NCKAP5: variants seen among roughly 807,000 people sequenced by gnomAD.
NCKAP5 encodes the protein nck-associated protein 5.
Under a neutral mutation model 167.0 loss-of-function variants are expected in NCKAP5, and 92 were observed. That is an observed-to-expected ratio of 0.55 (90% CI 0.47 to 0.66). NCKAP5 has a LOEUF of 0.66. NCKAP5 is among the 30% of genes least tolerant of loss of function. The pLI is 0.00. For missense variants in NCKAP5, 2,378 were observed against 2,315.0 expected (o/e 1.03, Z -0.56); for synonymous variants, 891 against 877.4 (o/e 1.02, Z -0.27).
At chr2:133,190,460 A>T (rs569356040) in intron 5 of NCKAP5, among the ~76,000 whole-genome samples, 1 of 152,178 alleles carries the variant, frequency 6.6e-6, no homozygotes, top group Non-Finnish European at 1.5e-5. Flanking sequence ...CCACATTGCC[A>T]AGACAATCCT....
At chr2:133,449,803 C>T (rs1439814591) in intron 3 of NCKAP5, among the ~76,000 whole-genome samples, 2 of 151,796 alleles carry the variant, frequency 1.3e-5, no homozygotes, top group Non-Finnish European at 2.9e-5. Flanking sequence ...CATTATTATG[C>T]CTCATCCAAA....
At chr2:132,956,010 G>A (rs1041536802) in intron 8 of NCKAP5, among the ~76,000 whole-genome samples, 10 of 152,140 alleles carry the variant, frequency 6.6e-5, no homozygotes, top group African/African-American at 2.2e-4. Context: ...GTGTGAGAAT[G>A]CAGACAGGGT....
intron 4 of NCKAP5, among the ~76,000 whole-genome samples, chr2:133,215,412 T>C (rs1468981031): frequency 2.0e-5 from 3 of 152,162 alleles, no homozygotes; most frequent in African/African-American, 4.8e-5. Flanking sequence ...CAAATACTTA[T>C]AAAGTCAAAG....
At position 132,783,721 on chromosome 2, in the gene NCKAP5, G is replaced by A. The variant is rs550917430; in HGVS notation, c.3090C>T (p.Thr1030=). The A allele has an allele frequency of 3.5e-5, 56 of 1,612,010 alleles. No individual in the cohort carries two copies. Among genetic ancestry groups the A allele is most frequent in the Non-Finnish European group, 4.2e-5 (49 of 1,179,098 alleles). The change falls in exon 14 of 20, where the codon ACC becomes ACT. Residue 1030 remains threonine, a synonymous_variant. Transcript: ENST00000409261. ...CCTTTGGAGGCCCCAGAGCCATTAC[G>A]GTGAAGGAGCTGGAGGGGGCATGAG... ...CPAHAPSSSF[T]VMALGPPKVS...
intron 3 of NCKAP5, among the ~76,000 whole-genome samples, chr2:133,379,793 T>A (rs1686392020): frequency 6.6e-6 from 1 of 152,144 alleles, no homozygotes; most frequent in South Asian, 2.1e-4. Flanking sequence ...TGCAGTAAAA[T>A]GCAGCTGTCA....
intron 12 of NCKAP5, among the ~76,000 whole-genome samples, chr2:132,794,750 T>C (rs546302991): frequency 6.6e-6 from 1 of 152,118 alleles, no homozygotes; most frequent in South Asian, 2.1e-4. Flanking sequence ...GGGACCCTGT[T>C]TTACACTTCC....
chr2:133,031,538 C>G (rs1428541474), intron 6 of NCKAP5, among the ~76,000 whole-genome samples: 1 of 152,232 alleles, frequency 6.6e-6, no homozygotes, highest in East Asian at 1.9e-4. Flanking sequence ...ATAAGGATTG[C>G]AACTTTTAGG....
intron 2 of NCKAP5, among the ~76,000 whole-genome samples, chr2:133,518,017 A>G (rs1434152653): frequency 2.6e-5 from 4 of 152,210 alleles, no homozygotes; most frequent in Non-Finnish European, 5.9e-5. Flanking sequence ...GGCCCAATGA[A>G]GGGAAACTGA....
At chr2:133,629,110 T>C in the NCKAP5 span, among the ~76,000 whole-genome samples, 2 of 152,086 alleles carry the variant, frequency 1.3e-5, no homozygotes, top group African/African-American at 4.8e-5. Context: ...TCAAAAGCAA[T>C]TGCAACAGAA....
Position 132,802,636 on chromosome 2 carries a change from A to G in NCKAP5, c.808-5907T>C, listed in dbSNP as rs576585230. The stretch of plus-strand genomic sequence containing the variant: ...TGCATGTTTAAGAGAAGCATTTTAA[A>G]TATGACCCTGAATAGACATAATCAG... On this transcript the variant is annotated intron_variant, in intron 11 of 19. Transcript: ENST00000409261. Among the ~76,000 whole-genome samples the G allele has an allele frequency of 2.0e-5, 3 of 152,344 alleles. No individual in the cohort carries two copies. In the East Asian group the frequency reaches 5.8e-4, roughly 29 times the overall value.
the NCKAP5 span, among the ~76,000 whole-genome samples, chr2:133,644,538 C>A: frequency 5.9e-5 from 9 of 152,312 alleles, no homozygotes; most frequent in East Asian, 1.7e-3. Flanking sequence ...TCTGTAAATA[C>A]TTCAGAACAT....
At chr2:132,765,339 T>C (rs928494950) in intron 16 of NCKAP5, among the ~76,000 whole-genome samples, 7 of 144,412 alleles carry the variant, frequency 4.8e-5, no homozygotes, top group African/African-American at 7.8e-5. Flanking sequence ...TGAGACGGAG[T>C]TTCGCTCTGT....
At chr2:133,411,005 C>T (rs1208452828) in intron 3 of NCKAP5, among the ~76,000 whole-genome samples, 1 of 152,186 alleles carries the variant, frequency 6.6e-6, no homozygotes, top group Non-Finnish European at 1.5e-5. Flanking sequence ...GCACTGGATG[C>T]TTGAAATCCA....
At chr2:133,588,282 T>TCC in the NCKAP5 span, among the ~76,000 whole-genome samples, 1 of 47,290 alleles carries the variant, frequency 2.1e-5, no homozygotes, top group Non-Finnish European at 5.4e-5. Flanking sequence ...TCCCTCCCTC[T>TCC]CTCCCTACCT....
chr2:133,619,325 A>C, the NCKAP5 span, among the ~76,000 whole-genome samples: 1 of 151,826 alleles, frequency 6.6e-6, no homozygotes, highest in Non-Finnish European at 1.5e-5. Context: ...AAAATAAAAT[A>C]AAAAATCAAA....
At chr2:133,322,884 G>C (rs887865501) in intron 3 of NCKAP5, among the ~76,000 whole-genome samples, 1 of 152,202 alleles carries the variant, frequency 6.6e-6, no homozygotes, top group African/African-American at 2.4e-5. Flanking sequence ...CAGCACATCT[G>C]GGGTGAGACC....
At chr2:133,606,597 T>C in the NCKAP5 span, among the ~76,000 whole-genome samples, 1 of 152,064 alleles carries the variant, frequency 6.6e-6, no homozygotes. Flanking sequence ...CTAGGATGTA[T>C]CAGAATTGGC....
chr2:132,703,417 A>G (rs1029716686), intron 19 of NCKAP5, among the ~76,000 whole-genome samples: 3 of 152,150 alleles, frequency 2.0e-5, no homozygotes, highest in Admixed American at 6.5e-5. Flanking sequence ...GTTAGATTTT[A>G]ATTTTGACTG....
intron 6 of NCKAP5, among the ~76,000 whole-genome samples, chr2:133,008,065 A>T (rs1044138939): frequency 6.6e-6 from 1 of 152,164 alleles, no homozygotes; most frequent in Non-Finnish European, 1.5e-5. Flanking sequence ...ATATGGGACT[A>T]CTACTCAGTG....
Sources: allele counts gnomAD v4.1 joint callset (sites outside exome capture counted in the v4.1 genomes callset), GRCh38; gene constraint gnomAD v4.1.1; transcripts MANE v1.5; gene names NCBI Gene and HGNC (gene_info 2026-07-23, HGNC 2026-07-21).